The following HECW2 variants were observed in gnomAD, a reference collection of about 807,000 sequenced individuals.
HECW2 encodes the protein HECT, C2 and WW domain containing E3 ubiquitin protein ligase 2, also known as E3 ubiquitin-protein ligase HECW2.
Under a neutral mutation model 175.2 loss-of-function variants are expected in HECW2, and 61 were observed. The ratio of observed to expected loss-of-function variants is 0.35; its 90% CI spans 0.28 to 0.43. The LOEUF is 0.43. Ranked by LOEUF, HECW2 falls within the 20% of genes least tolerant of loss-of-function variation. The pLI is 1.00. For synonymous variants in HECW2, 671 were observed against 731.0 expected, an observed-to-expected ratio of 0.92 and a Z score of 1.32; for missense variants, 1,524 against 2,000.5, an observed-to-expected ratio of 0.76 and a Z score of 4.54.
intron 1 of HECW2, among the ~76,000 whole-genome samples, chr2:196,480,532 T>C (rs544016854): frequency 6.6e-6 from 1 of 152,298 alleles, no homozygotes; most frequent in South Asian, 2.1e-4. Flanking sequence ...TTCTTGGATG[T>C]GGACATTGTA....
At chr2:196,488,687 T>C (rs887273376) in intron 1 of HECW2, among the ~76,000 whole-genome samples, 1 of 151,660 alleles carries the variant, frequency 6.6e-6, no homozygotes, top group African/African-American at 2.4e-5. Context: ...TCCATAAAAC[T>C]CTAAGGGGGA....
At chr2:196,379,697 A>AC (rs1296298553) in intron 2 of HECW2, among the ~76,000 whole-genome samples, 1 of 19,784 alleles carries the variant, frequency 5.1e-5, no homozygotes, top group African/African-American at 6.7e-5. Flanking sequence ...AAAAAAAAAA[A>AC]AAAAAACAAA....
At chr2:196,593,123 C>T (rs1242954446) in intron 1 of HECW2, among the ~76,000 whole-genome samples, 1 of 151,226 alleles carries the variant, frequency 6.6e-6, no homozygotes, top group Admixed American at 6.6e-5. Context: ...GTGCTGGCAT[C>T]TTCCTAGCTC....
chr2:196,230,800 C>T (rs1345698656), intron 21 of HECW2, among the ~76,000 whole-genome samples: 1 of 152,190 alleles, frequency 6.6e-6, no homozygotes. Flanking sequence ...CATGTAGCTG[C>T]ATCTTTTAAA....
intron 1 of HECW2, among the ~76,000 whole-genome samples, chr2:196,541,151 A>G (rs1039497328): frequency 2.0e-5 from 3 of 152,108 alleles, no homozygotes; most frequent in Admixed American, 6.6e-5. Flanking sequence ...GCGGCTCTGC[A>G]GACTGCCTGT....
At chr2:196,377,113 G>T (rs1325398480) in intron 2 of HECW2, among the ~76,000 whole-genome samples, 1 of 152,108 alleles carries the variant, frequency 6.6e-6, no homozygotes, top group African/African-American at 2.4e-5. Flanking sequence ...GAGAAACCAG[G>T]TTGGCCAAAG....
chr2:196,251,482 T>C (rs1028686688), intron 19 of HECW2, among the ~76,000 whole-genome samples: 1 of 152,198 alleles, frequency 6.6e-6, no homozygotes, highest in African/African-American at 2.4e-5. Flanking sequence ...CCAGCTGTCT[T>C]TGGGAATCTC....
intron 2 of HECW2, among the ~76,000 whole-genome samples, chr2:196,373,004 A>C (rs999646567): frequency 6.6e-6 from 1 of 152,242 alleles, no homozygotes; most frequent in African/African-American, 2.4e-5. Context: ...GTGAAGCTAC[A>C]TAAAGTCAGC....
chr2:196,437,611 C>CAAAA (rs59563276), intron 1 of HECW2, among the ~76,000 whole-genome samples: 1 of 55,784 alleles, frequency 1.8e-5, no homozygotes, highest in Non-Finnish European at 3.2e-5. Flanking sequence ...GACTCTGTCT[C>CAAAA]AAAAAAAAAA....
intron 1 of HECW2, among the ~76,000 whole-genome samples, chr2:196,558,654 A>G (rs75404154): frequency 0.013 from 1,913 of 152,322 alleles, 40 homozygotes; most frequent in African/African-American, 0.044. Context: ...CTTGTGTAAA[A>G]TGGAATATTC....
At chr2:196,543,420 A>T (rs190102280) in intron 1 of HECW2, among the ~76,000 whole-genome samples, 36 of 152,238 alleles carry the variant, frequency 2.4e-4, no homozygotes, top group Non-Finnish European at 4.1e-4. Context: ...ATGTATTTGT[A>T]AATGTGCATA....
intron 3 of HECW2, among the ~76,000 whole-genome samples, chr2:196,338,909 A>G (rs1270161223): frequency 6.6e-6 from 1 of 152,178 alleles, no homozygotes; most frequent in Non-Finnish European, 1.5e-5. Context: ...GAGGAAATTT[A>G]CCCACATGCC....
chr2:196,425,581 T>TTTCTTTC (rs1695521557), intron 2 of HECW2, among the ~76,000 whole-genome samples: 1 of 152,108 alleles, frequency 6.6e-6, no homozygotes, highest in Admixed American at 6.6e-5. Flanking sequence ...GTTCAAGACT[T>TTTCTTTC]CAGTGATGGA....
At chr2:196,311,511 C>T (rs979956222) in intron 10 of HECW2, among the ~76,000 whole-genome samples, 3 of 152,140 alleles carry the variant, frequency 2.0e-5, no homozygotes, top group Non-Finnish European at 4.4e-5. Flanking sequence ...AACTAAACCT[C>T]AGCGGCCGGG....
intron 1 of HECW2, among the ~76,000 whole-genome samples, chr2:196,490,225 C>T (rs926108039): frequency 2.0e-5 from 3 of 152,174 alleles, no homozygotes; most frequent in African/African-American, 7.2e-5. Context: ...GAAAAACCAA[C>T]AACTAAACCC....
intron 1 of HECW2, among the ~76,000 whole-genome samples, chr2:196,559,991 A>T (rs1203792125): frequency 6.6e-6 from 1 of 152,170 alleles, no homozygotes. Context: ...GCAGAGAGGG[A>T]CGGTCCCATG....
rs773894772 is a variant in HECW2, at chr2:196,317,290, G to A, written c.2418C>T (p.Asp806=). 14 of 1,612,588 alleles carry A rather than the reference G, an allele frequency of 8.7e-6. No individual in the cohort carries two copies. The highest frequency in any genetic ancestry group is 1.3e-5 in the African/African-American group (1 of 74,996). ...GGTCCTCACTTGGTGGGAGAGCCTC[G>A]TCCACCCTCTGGTACCGGCTAACAT... The part of the protein sequence containing the change: ...RQDVSRYQRV[D]EALPPNWEAR... Residue 806 remains aspartate, a synonymous_variant, in exon 10 of 29, where the codon GAC becomes GAT. Transcript: ENST00000644978.
At chr2:196,298,534 C>A (rs910820570) in intron 13 of HECW2, among the ~76,000 whole-genome samples, 34 of 151,922 alleles carry the variant, frequency 2.2e-4, no homozygotes, top group African/African-American at 7.5e-4. Flanking sequence ...TTCTCGGGTA[C>A]ATGTGCACAA....
At chr2:196,472,732 C>T (rs1298997903) in intron 1 of HECW2, among the ~76,000 whole-genome samples, 1 of 152,004 alleles carries the variant, frequency 6.6e-6, no homozygotes, top group African/African-American at 2.4e-5. Flanking sequence ...ATCGATTCTC[C>T]TGCCTCACCC....
Sources: gnomAD v4.1 joint callset for allele counts (sites outside exome capture counted in the v4.1 genomes callset) on GRCh38, gnomAD v4.1.1 for gene constraint, MANE v1.5 for transcripts, NCBI Gene and HGNC (gene_info 2026-07-23, HGNC 2026-07-21) for gene names.